PHF14: variants seen among roughly 807,000 people sequenced by gnomAD.
PHF14 encodes the protein PHD finger protein 14.
Under a neutral mutation model 117.9 loss-of-function variants are expected in PHF14, and 55 were observed. That is an observed-to-expected ratio of 0.47 (90% CI 0.38 to 0.58). The LOEUF is 0.58. Ranked by LOEUF, PHF14 falls within the 20% of genes least tolerant of loss-of-function variation. The pLI is 0.00. For synonymous variants in PHF14, 409 were observed against 368.6 expected, an observed-to-expected ratio of 1.11 and a Z score of -1.26; for missense variants, 978 against 1,122.2, an observed-to-expected ratio of 0.87 and a Z score of 1.84.
chr7:11,095,293 A>G (rs1490117500), intron 16 of PHF14, among the ~76,000 whole-genome samples: 2 of 152,154 alleles, frequency 1.3e-5, no homozygotes, highest in Non-Finnish European at 2.9e-5. Flanking sequence ...GCAAGTGGAG[A>G]TTAAGTCATT....
At chr7:11,149,314 A>G (rs573951823) in intron 17 of PHF14, among the ~76,000 whole-genome samples, 19 of 152,272 alleles carry the variant, frequency 1.2e-4, no homozygotes, top group Middle Eastern at 3.4e-3. Context: ...CTGACTCGTC[A>G]TGGCAAACAA....
At position 11,073,223 on chromosome 7, in the gene PHF14, G is replaced by A. The variant is rs529387339; in HGVS notation, c.2654+11138G>A. ...TCCAGTGTCTTACTGGGGACTCAAG[G>A]CAAGTTCCTTCCATCTATGAGCCTG... On this transcript the variant is annotated intron_variant, in intron 16 of 17. Coordinates refer to ENST00000634607, the MANE Select transcript of PHF14 (RefSeq NM_001007157.2). Among the ~76,000 whole-genome samples the A allele has an allele frequency of 2.0e-3, 305 of 152,166 alleles. 1 individual carries two copies. Among genetic ancestry groups the A allele is most frequent in the Non-Finnish European group, 2.9e-3 (195 of 68,000 alleles).
chr7:11,000,396 G>A (rs557890348), intron 4 of PHF14, among the ~76,000 whole-genome samples: 6 of 134,958 alleles, frequency 4.4e-5, no homozygotes, highest in African/African-American at 1.6e-4. Context: ...CTGGAGTGCA[G>A]TGGTGGGATC....
intron 14 of PHF14, 110 bp downstream of exon 14, chr7:11,051,890 T>C (rs1784861192): frequency 1.2e-6 from 1 of 843,594 alleles, no homozygotes. Flanking sequence ...GAAAAAGACA[T>C]CTATTGGTTA....
chr7:11,000,160 G>C (rs1230202010), intron 4 of PHF14, among the ~76,000 whole-genome samples: 2 of 151,982 alleles, frequency 1.3e-5, no homozygotes, highest in Non-Finnish European at 2.9e-5. Flanking sequence ...ATGCAAAAAG[G>C]TCAAAAATAC....
chr7:11,042,624 T>G (rs1784535963), intron 12 of PHF14, 59 bp from the exon 13 acceptor site: 1 of 1,214,594 alleles, frequency 8.2e-7, no homozygotes, highest in Non-Finnish European at 1.1e-6. Context: ...ATGCTATAAG[T>G]AAACTGTTTC....
chr7:11,137,424 C>G (rs759795414), intron 17 of PHF14, among the ~76,000 whole-genome samples: 1 of 151,998 alleles, frequency 6.6e-6, no homozygotes, highest in East Asian at 1.9e-4. Context: ...AGTTAAAGTT[C>G]ACCAAGAATG....
intron 16 of PHF14, among the ~76,000 whole-genome samples, chr7:11,086,440 C>G (rs1786412401): frequency 6.6e-6 from 1 of 152,162 alleles, no homozygotes; most frequent in African/African-American, 2.4e-5. Flanking sequence ...TATACCTTCT[C>G]TCTGAAATAA....
chr7:11,031,927 A>G (rs781050883), intron 7 of PHF14, among the ~76,000 whole-genome samples: 2 of 152,194 alleles, frequency 1.3e-5, no homozygotes, highest in Non-Finnish European at 2.9e-5. Flanking sequence ...GCTATTGAAC[A>G]TTGCTGTACT....
At chr7:10,980,604 A>G (rs762562386) in intron 2 of PHF14, among the ~76,000 whole-genome samples, 34 of 152,202 alleles carry the variant, frequency 2.2e-4, no homozygotes, top group Non-Finnish European at 4.1e-4. Context: ...TTGAAATCCA[A>G]GAAGCTTAAA....
At chr7:11,112,981 A>G (rs1421256094) in intron 17 of PHF14, among the ~76,000 whole-genome samples, 1 of 152,012 alleles carries the variant, frequency 6.6e-6, no homozygotes, top group Non-Finnish European at 1.5e-5. Context: ...GTATTCCCAA[A>G]ATTTTATTTA....
At chr7:11,080,687 A>G (rs138766006) in intron 16 of PHF14, among the ~76,000 whole-genome samples, 7 of 152,302 alleles carry the variant, frequency 4.6e-5, no homozygotes, top group Non-Finnish European at 8.8e-5. Context: ...TTCTAGATCA[A>G]AAGTACTATT....
At chr7:11,091,605 A>T (rs950278372) in intron 16 of PHF14, among the ~76,000 whole-genome samples, 2 of 151,984 alleles carry the variant, frequency 1.3e-5, no homozygotes, top group Non-Finnish European at 2.9e-5. Flanking sequence ...AAATACAAGA[A>T]TTAGCCGAGT....
intron 17 of PHF14, among the ~76,000 whole-genome samples, chr7:11,162,700 CT>C (rs5882294): frequency 0.34 from 42,904 of 127,692 alleles, 6,347 homozygotes; most frequent in East Asian, 0.65. Flanking sequence ...AATCCAAAGT[CT>C]TTTTTTTTTT....
At chr7:11,010,509 T>C (rs1269487139) in intron 4 of PHF14, among the ~76,000 whole-genome samples, 1 of 151,974 alleles carries the variant, frequency 6.6e-6, no homozygotes, top group Admixed American at 6.6e-5. Context: ...CATATAATTA[T>C]GTATTAAAGT....
chr7:10,991,759 A>ATTTTT (rs71023881), intron 4 of PHF14, among the ~76,000 whole-genome samples: 5 of 111,042 alleles, frequency 4.5e-5, no homozygotes, highest in Non-Finnish European at 8.6e-5. Flanking sequence ...TAATTTTTTA[A>ATTTTT]TTTTTTTTTT....
At chr7:11,121,944 C>T (rs1476584078) in intron 17 of PHF14, among the ~76,000 whole-genome samples, 1 of 151,676 alleles carries the variant, frequency 6.6e-6, no homozygotes. Context: ...TTTGCTGCAC[C>T]TGTCAACCCG....
Position 11,160,214 on chromosome 7 carries a change from A to AT in PHF14, c.2773-9201dup, listed in dbSNP as rs912837464. Reference sequence around the variant, plus strand: ...TACACTTAGGCCTCCAGCTGCATCCATGTTGCTGCAAAGGACATGATTTCA... The same window carrying AT: ...TACACTTAGGCCTCCAGCTGCATCCATTGTTGCTGCAAAGGACATGATTTCA... On this transcript the variant is annotated intron_variant, in intron 17 of 17. Transcript: ENST00000634607. Among the ~76,000 whole-genome samples, 113 of 152,124 alleles carry AT rather than the reference A, an allele frequency of 7.4e-4. 2 individuals are homozygous for AT. Among genetic ancestry groups the AT allele is most frequent in the African/African-American group, 2.9e-4 (12 of 41,424 alleles).
At chr7:11,022,051 A>G (rs1783753949) in intron 5 of PHF14, among the ~76,000 whole-genome samples, 1 of 152,076 alleles carries the variant, frequency 6.6e-6, no homozygotes, top group South Asian at 2.1e-4. Flanking sequence ...GTGATGCCAC[A>G]TTTTGTTTTG....
Sources: gnomAD v4.1 joint callset for allele counts (sites outside exome capture counted in the v4.1 genomes callset) on GRCh38, gnomAD v4.1.1 for gene constraint, MANE v1.5 for transcripts, NCBI Gene and HGNC (gene_info 2026-07-23, HGNC 2026-07-21) for gene names.